The following CCDC171 variants were observed in gnomAD, a reference collection of about 807,000 sequenced individuals.
CCDC171 encodes the protein coiled-coil domain containing 171.
A neutral mutation model predicts 168.2 loss-of-function variants in CCDC171; 177 were observed. The ratio of observed to expected loss-of-function variants is 1.05; its 90% CI spans 0.93 to 1.19. The LOEUF (loss-of-function observed/expected upper bound fraction) is 1.19. Ranked by LOEUF, CCDC171 falls within the 50% of genes most tolerant of loss-of-function variation. CCDC171 has a pLI of 0.00. For synonymous variants in CCDC171, 687 were observed against 540.8 expected, an observed-to-expected ratio of 1.27 and a Z score of -3.75; for missense variants, 1,991 against 1,539.0, an observed-to-expected ratio of 1.29 and a Z score of -4.91.
intron 6 of CCDC171, among the ~76,000 whole-genome samples, chr9:15,617,190 T>C (rs1272114491): frequency 6.6e-6 from 1 of 152,204 alleles, no homozygotes; most frequent in Non-Finnish European, 1.5e-5. Context: ...CTTCTGCCAA[T>C]TGCTCAATCT....
intron 21 of CCDC171, among the ~76,000 whole-genome samples, chr9:15,821,961 C>T (rs529037814): frequency 1.3e-5 from 2 of 152,038 alleles, no homozygotes; most frequent in Admixed American, 1.3e-4. Context: ...AACCAAAACA[C>T]CATGGTAGTA....
chr9:15,554,307 A>G (rs936714515), intron 1 of CCDC171, among the ~76,000 whole-genome samples: 18 of 152,336 alleles, frequency 1.2e-4, no homozygotes, highest in Admixed American at 3.3e-4. Context: ...GGCGTGAGCC[A>G]CTGCGCCCGG....
intron 21 of CCDC171, among the ~76,000 whole-genome samples, chr9:15,799,827 C>A (rs544719783): frequency 9.2e-5 from 14 of 152,038 alleles, no homozygotes; most frequent in African/African-American, 3.4e-4. Context: ...TCCATGAGTT[C>A]AATTGTTTGG....
At chr9:15,782,824 A>T (rs1483591715) in intron 20 of CCDC171, among the ~76,000 whole-genome samples, 1 of 152,178 alleles carries the variant, frequency 6.6e-6, no homozygotes, top group African/African-American at 2.4e-5. Flanking sequence ...GGCAGCTGTT[A>T]AACAGCGAGT....
rs141801186 is a variant in CCDC171, at chr9:15,741,180, C to G, written c.2050-3093C>G. 1.4e-4 allele frequency among the ~76,000 whole-genome samples: 21 copies of G among 152,230 alleles called. No individual in the cohort carries two copies. In the East Asian group the frequency reaches 4.1e-3, roughly 29 times the overall value. On this transcript the variant is annotated intron_variant, in intron 16 of 25. Coordinates refer to ENST00000380701, the MANE Select transcript of CCDC171 (RefSeq NM_173550.4). ...TTTGATCCTTTTAAAGTATACAGTT[C>G]AGTGGCATTAAGTGTGTTCACAGTA...
chr9:16,050,425 G>A (rs568010378), intron 1 of CCDC171, among the ~76,000 whole-genome samples: 1 of 149,232 alleles, frequency 6.7e-6, no homozygotes, highest in East Asian at 2.0e-4. Flanking sequence ...AATACTCATT[G>A]TATTTTGAAG....
rs540700557 is a variant in CCDC171, at chr9:15,761,136, T to C, written c.2671+15505T>C. ...CAGGAGTAGATGGACATAAGTAGAA[T>C]GTTAACACATTTTGTCACACATTTC... is the stretch of plus-strand genomic sequence containing the variant. On this transcript the variant is annotated intron_variant, in intron 18 of 25. Coordinates refer to ENST00000380701, the MANE Select transcript of CCDC171 (RefSeq NM_173550.4). Among the ~76,000 whole-genome samples the C allele has an allele frequency of 2.6e-5, 4 of 152,336 alleles. No individual in the cohort carries two copies. The East Asian group carries it at 7.7e-4, about 29-fold the overall frequency.
the CCDC171 span, among the ~76,000 whole-genome samples, chr9:16,066,989 G>T: frequency 1.3e-5 from 2 of 152,066 alleles, no homozygotes; most frequent in African/African-American, 4.8e-5. Context: ...TAATGGGATG[G>T]CTGGGTCAAA....
chr9:15,927,168 A>G (rs1218327345), intron 25 of CCDC171, among the ~76,000 whole-genome samples: 1 of 151,672 alleles, frequency 6.6e-6, no homozygotes, highest in Non-Finnish European at 1.5e-5. Flanking sequence ...AACACACAAT[A>G]ATAATGCTGG....
At chr9:15,870,853 G>C (rs1337053026) in intron 23 of CCDC171, among the ~76,000 whole-genome samples, 1 of 150,976 alleles carries the variant, frequency 6.6e-6, no homozygotes, top group East Asian at 1.9e-4. Flanking sequence ...TGTGAGTAAA[G>C]GCTAATCAGA....
chr9:15,576,240 G>A (rs1213381443), intron 3 of CCDC171, among the ~76,000 whole-genome samples: 1 of 151,834 alleles, frequency 6.6e-6, no homozygotes. Context: ...CTTGCATGCA[G>A]TGATGTGATC....
intron 11 of CCDC171, among the ~76,000 whole-genome samples, chr9:15,721,075 C>G (rs1028797743): frequency 6.6e-6 from 1 of 152,048 alleles, no homozygotes; most frequent in Non-Finnish European, 1.5e-5. Flanking sequence ...TATGGCCCAA[C>G]TAAATTAAAG....
At chr9:15,992,372 G>C (rs548219761) in intron 3 of CCDC171, among the ~76,000 whole-genome samples, 1 of 151,970 alleles carries the variant, frequency 6.6e-6, no homozygotes, top group African/African-American at 2.4e-5. Context: ...TTTGACAAAA[G>C]GCCTTTGACA....
chr9:15,806,855 A>G (rs2059107026), intron 21 of CCDC171, among the ~76,000 whole-genome samples: 2 of 152,070 alleles, frequency 1.3e-5, no homozygotes, highest in African/African-American at 4.8e-5. Context: ...CCTTTGAGGG[A>G]TTCCAGTAAT....
chr9:15,553,788 G>T (rs541361382), intron 1 of CCDC171, among the ~76,000 whole-genome samples: 2 of 152,220 alleles, frequency 1.3e-5, no homozygotes, highest in South Asian at 4.1e-4. Flanking sequence ...TCAGCTGTGC[G>T]TTTTCCCGAA....
intron 6 of CCDC171, among the ~76,000 whole-genome samples, chr9:15,596,621 A>T (rs200139487): frequency 1.3e-5 from 2 of 151,656 alleles, no homozygotes; most frequent in Non-Finnish European, 2.9e-5. Context: ...TTGACTTGGC[A>T]ATGTGGGCTC....
intron 18 of CCDC171, among the ~76,000 whole-genome samples, chr9:15,751,342 C>T (rs751311453): frequency 6.6e-6 from 1 of 152,158 alleles, no homozygotes; most frequent in Non-Finnish European, 1.5e-5. Context: ...TGAAAATGGC[C>T]ATACTGCCCA....
chr9:15,822,303 C>A (rs1240165522), intron 21 of CCDC171, among the ~76,000 whole-genome samples: 1 of 151,894 alleles, frequency 6.6e-6, no homozygotes, highest in African/African-American at 2.4e-5. Context: ...ACACCGAAGG[C>A]AATGGCAAGA....
rs761080761 is a variant in CCDC171 at position 15,972,589 on chromosome 9, A to C, written c.*753A>C. On this transcript the variant is annotated 3_prime_UTR_variant, in exon 26 of 26. Coordinates refer to ENST00000380701, the MANE Select transcript of CCDC171 (RefSeq NM_173550.4). Reference sequence around the variant, plus strand: ...TTTCTGTGGTATGTTTAGGCACTTCATAAGGACAGTTCCCACACTAGGATA... The same window carrying C: ...TTTCTGTGGTATGTTTAGGCACTTCCTAAGGACAGTTCCCACACTAGGATA... The C allele has an allele frequency of 6.6e-6, 1 of 152,226 alleles. No individual in the cohort carries two copies. Among genetic ancestry groups the C allele is most frequent in the Non-Finnish European group, 1.5e-5 (1 of 68,068 alleles). The allele number at this position is 152,226 out of a possible 1,614,324, so 9.4% of individuals were successfully genotyped here.
Sources: allele counts gnomAD v4.1 joint callset (sites outside exome capture counted in the v4.1 genomes callset), GRCh38; gene constraint gnomAD v4.1.1; transcripts MANE v1.5; gene names NCBI Gene and HGNC (gene_info 2026-07-23, HGNC 2026-07-21).